Variants in DISP1 observed in about 807,000 individuals in gnomAD.
DISP1 encodes the protein dispatched RND transporter family member 1, also known as protein dispatched homolog 1.
Under a neutral mutation model 37.3 loss-of-function variants are expected in DISP1, and 30 were observed. That is an observed-to-expected ratio of 0.80 (90% confidence interval 0.60 to 1.09). The LOEUF (loss-of-function observed/expected upper bound fraction) is 1.09, where lower values mean the gene tolerates loss of function less well. Ranked by LOEUF, DISP1 falls within the 50% of genes least tolerant of loss-of-function variation. DISP1 has a pLI of 0.00. For missense variants in DISP1, 1,598 were observed against 1,879.5 expected (o/e 0.85, Z 2.77); for synonymous variants, 634 against 690.2 (o/e 0.92, Z 1.28).
intron 1 of DISP1, among the ~76,000 whole-genome samples, chr1:222,888,409 A>T (rs183760641): frequency 6.6e-6 from 1 of 152,220 alleles, no homozygotes; most frequent in African/African-American, 2.4e-5. Flanking sequence ...AAGCTGAAGA[A>T]GCCAATCTTA....
intron 1 of DISP1, among the ~76,000 whole-genome samples, chr1:222,902,758 C>T (rs1271046437): frequency 6.6e-6 from 1 of 152,124 alleles, no homozygotes; most frequent in East Asian, 1.9e-4. Context: ...AAGATACCAT[C>T]TCACACCAGT....
intron 1 of DISP1, among the ~76,000 whole-genome samples, chr1:222,861,371 T>C (rs1668871191): frequency 6.6e-6 from 1 of 152,242 alleles, no homozygotes; most frequent in Admixed American, 6.5e-5. Flanking sequence ...TATTCTAGAC[T>C]CTAAATTCTG....
At chr1:222,985,616 C>CTCTA (rs1237339250) in intron 4 of DISP1, among the ~76,000 whole-genome samples, 1 of 152,126 alleles carries the variant, frequency 6.6e-6, no homozygotes, top group South Asian at 2.1e-4. Flanking sequence ...TGCCACTGCA[C>CTCTA]TCTAGCCTGG....
chr1:222,919,380 T>C (rs1424221201), intron 1 of DISP1, among the ~76,000 whole-genome samples: 4 of 152,150 alleles, frequency 2.6e-5, no homozygotes, highest in Non-Finnish European at 4.4e-5. Context: ...TTGAAGCCTG[T>C]TAGCAATAAT....
intron 1 of DISP1, among the ~76,000 whole-genome samples, chr1:222,855,039 C>T (rs1169642370): frequency 6.6e-6 from 1 of 152,074 alleles, no homozygotes; most frequent in Non-Finnish European, 1.5e-5. Context: ...GTCTTATCCC[C>T]ACATCCTTTA....
rs1278885073 is a variant in DISP1, at chr1:222,991,575, T to A, written c.719T>A (p.Met240Lys). ...IGQRLVTWNN[M>K]VKNTGYKATL... ...CAGAGATTGGTCACATGGAATAATA[T>A]GGTGAAAAATACAGGATACAAAGCA... The change falls in exon 6 of 9, where the codon ATG (methionine) becomes AAG (lysine). Residue 240 changes from methionine (M) to lysine (K), a missense_variant. Transcript: ENST00000675850. 2 of 1,613,856 alleles carry A rather than the reference T, an allele frequency of 1.2e-6. No individual in the cohort carries two copies. Among genetic ancestry groups the A allele is most frequent in the Non-Finnish European group, 1.7e-6 (2 of 1,179,840 alleles).
At position 222,893,602 on chromosome 1, in the gene DISP1, G is replaced by A. The variant is rs943371595; in HGVS notation, c.-158-34828G>A. On this transcript the variant is annotated intron_variant, in intron 1 of 8. Coordinates refer to ENST00000675850, the MANE Select transcript of DISP1 (RefSeq NM_001377229.1). The surrounding 1 kb of genome is among the most constrained non-coding windows in gnomAD (Gnocchi z 4.3). Reference sequence around the variant, plus strand: ...GGCGCCGGCACTGACTCCATGGAAGGCTGCGGCTTGACCAGATGTACTGCA... The same window carrying A: ...GGCGCCGGCACTGACTCCATGGAAGACTGCGGCTTGACCAGATGTACTGCA... Among the ~76,000 whole-genome samples, 1 of 152,238 alleles carries A rather than the reference G, an allele frequency of 6.6e-6. No homozygotes were observed. The highest frequency in any genetic ancestry group is 1.5e-5 in the Non-Finnish European group (1 of 68,042).
At position 222,865,845 on chromosome 1, in the gene DISP1, T is replaced by C. The variant is rs146562978; in HGVS notation, c.-159+50767T>C. On this transcript the variant is annotated intron_variant, in intron 1 of 8. Transcript: ENST00000675850. ...ATAATAACTATAAGAGGCGGGTATA[T>C]TTGGCATATTTCCCAAATTGTCTTT... Among the ~76,000 whole-genome samples, 888 of 152,254 alleles carry C rather than the reference T, an allele frequency of 5.8e-3. 6 individuals are homozygous for C. The highest frequency in any genetic ancestry group is 0.02 in the African/African-American group (851 of 41,546).
chr1:222,961,059 T>C (rs535995993), intron 3 of DISP1, among the ~76,000 whole-genome samples: 1 of 152,284 alleles, frequency 6.6e-6, no homozygotes, highest in South Asian at 2.1e-4. Context: ...GCTGGTACCA[T>C]TCCTTCTGAA....
At chr1:222,949,605 G>A (rs1675060720) in intron 3 of DISP1, among the ~76,000 whole-genome samples, 1 of 151,920 alleles carries the variant, frequency 6.6e-6, no homozygotes, top group Non-Finnish European at 1.5e-5. Flanking sequence ...GAACAATAAG[G>A]AATTTTATTT....
At chr1:222,830,967 T>C (rs1665595734) in intron 1 of DISP1, 2 of 152,222 alleles carry the variant, frequency 1.3e-5, no homozygotes, top group African/African-American at 4.8e-5. Flanking sequence ...AAGAATGGTA[T>C]CTAAATTTGT....
chr1:222,958,494 G>T (rs1369684934), intron 3 of DISP1, among the ~76,000 whole-genome samples: 1 of 152,108 alleles, frequency 6.6e-6, no homozygotes, highest in Non-Finnish European at 1.5e-5. Flanking sequence ...TTTATAAAAA[G>T]AATATACATT....
At chr1:222,941,026 T>A (rs1194017236) in intron 2 of DISP1, among the ~76,000 whole-genome samples, 1 of 152,256 alleles carries the variant, frequency 6.6e-6, no homozygotes, top group South Asian at 2.1e-4. Context: ...CCTTTGCATA[T>A]GGCTTTTTCT....
intron 2 of DISP1, among the ~76,000 whole-genome samples, chr1:222,936,879 GATATATATA>G (rs1398706144): frequency 2.4e-5 from 1 of 41,378 alleles, no homozygotes; most frequent in African/African-American, 9.1e-5. Context: ...TCATATATAT[GATATATATA>G]ATATATTATT....
At chr1:222,837,101 G>A in intron 1 of DISP1, 1 of 398,514 alleles carries the variant, frequency 2.5e-6, no homozygotes, top group Admixed American at 4.4e-5. Context: ...GTAAGTTTGG[G>A]CCGTTGGGAT....
chr1:222,968,195 C>G (rs1676650802), intron 3 of DISP1, among the ~76,000 whole-genome samples: 1 of 152,146 alleles, frequency 6.6e-6, no homozygotes, highest in African/African-American at 2.4e-5. Context: ...CTGACTTCCA[C>G]TTAGTTCCCA....
At chr1:222,863,108 A>ACAT (rs1668978155) in intron 1 of DISP1, among the ~76,000 whole-genome samples, 1 of 152,186 alleles carries the variant, frequency 6.6e-6, no homozygotes, top group Non-Finnish European at 1.5e-5. Flanking sequence ...TGTTCTCAGT[A>ACAT]CATCATATCT....
intron 3 of DISP1, among the ~76,000 whole-genome samples, chr1:222,954,087 T>TA (rs368016437): frequency 0.011 from 1,627 of 150,090 alleles, 16 homozygotes; most frequent in Non-Finnish European, 0.015. Flanking sequence ...TCTTTTTGGT[T>TA]AAAAAAAAAA....
intron 3 of DISP1, among the ~76,000 whole-genome samples, chr1:222,951,026 G>T (rs191355712): frequency 2.8e-4 from 42 of 152,230 alleles, no homozygotes; most frequent in Admixed American, 1.2e-3. Flanking sequence ...GATATTTTTG[G>T]GTACCTGCCA....
Sources: gnomAD v4.1 joint callset for allele counts (sites outside exome capture counted in the v4.1 genomes callset) on GRCh38, gnomAD v4.1.1 for gene constraint, Gnocchi (gnomAD v3.1) non-coding constraint, MANE v1.5 for transcripts, NCBI Gene and HGNC (gene_info 2026-07-23, HGNC 2026-07-21) for gene names.